The following C3 variants were observed in gnomAD, a reference collection of about 807,000 sequenced individuals.
C3 encodes the protein complement C3, also known as C3 and PZP-like alpha-2-macroglobulin domain-containing protein 1.
C3 carries 97 observed loss-of-function variants against 207.9 expected under a neutral mutation model. That is an observed-to-expected ratio of 0.47 (90% CI 0.40 to 0.55). The LOEUF is 0.55. C3 is among the 20% of genes least tolerant of loss of function. The probability of loss-of-function intolerance (pLI) is 0.00; values close to 1 mark genes in which losing one functional copy is unlikely to be tolerated. For missense variants in C3, 1,684 were observed against 2,171.7 expected, an observed-to-expected ratio of 0.78 and a Z score of 4.46; for synonymous variants, 848 against 857.6, an observed-to-expected ratio of 0.99 and a Z score of 0.20.
intron 27 of C3, among the ~76,000 whole-genome samples, chr19:6,689,373 C>G (rs1421881006): frequency 4.8e-5 from 6 of 124,750 alleles, no homozygotes; most frequent in African/African-American, 2.2e-4. Context: ...CTCTCTCTCT[C>G]TCTCTCTCTC....
intron 18 of C3, 41 bp from the exon 19 acceptor site, chr19:6,702,253 A>G (rs1967692795): frequency 7.6e-7 from 1 of 1,310,150 alleles, no homozygotes; most frequent in African/African-American, 1.5e-5. Flanking sequence ...GATGTCATCT[A>G]GCAGGGTGGT....
Position 6,707,934 on chromosome 19 carries a change from G to A in C3, c.1846-5C>T, listed in dbSNP as rs200772969. ...CTTCTCCACCACGTCCCAGATCTGC[G>A]GGGGGCATAGGGGTGGCGGGACGCA... On this transcript the variant is annotated splice_region_variant and splice_polypyrimidine_tract_variant and intron_variant, in intron 14 of 40. Coordinates refer to ENST00000245907, the MANE Select transcript of C3 (RefSeq NM_000064.4). 44 of 1,613,304 alleles carry A rather than the reference G, an allele frequency of 2.7e-5. No individual in the cohort carries two copies. Among genetic ancestry groups the A allele is most frequent in the Non-Finnish European group, 3.3e-5 (39 of 1,179,946 alleles).
intron 33 of C3, chr19:6,683,067 T>C (rs1917904109): frequency 6.6e-6 from 1 of 152,140 alleles, no homozygotes. Context: ...AGGAAGGTCA[T>C]GGGGACAAAA....
rs1272449318 is a variant in C3, at chr19:6,682,193, C to T, written c.4209G>A (p.Leu1403=). The T allele has an allele frequency of 6.2e-7, 1 of 1,613,860 alleles. No homozygotes were observed. Among genetic ancestry groups the T allele is most frequent in the Non-Finnish European group, 8.5e-7 (1 of 1,179,894 alleles). ...CAAAGCCAGTCATCATGGATATGTCCAATATAGACATAGTGGCATCCTGGT... is the reference window on the plus strand; with the variant it reads ...CAAAGCCAGTCATCATGGATATGTCTAATATAGACATAGTGGCATCCTGGT... ...RGDQDATMSI[L]DISMMTGFAP... The change falls in exon 34 of 41, where the codon TTG becomes TTA. Residue 1403 remains leucine (L), a synonymous_variant. Coordinates refer to ENST00000245907, the MANE Select transcript of C3 (RefSeq NM_000064.4).
chr19:6,697,336 G>A lies in C3; in HGVS notation c.2796+8C>T, dbSNP rs1198331117. On this transcript the variant is annotated splice_region_variant and intron_variant, in intron 21 of 40. Coordinates refer to ENST00000245907, the MANE Select transcript of C3 (RefSeq NM_000064.4). ...GGACAAGGGTTTGTGGGTGCCCCAAGCACTCACCACGACCTTCAGGGACTT... is the reference window on the plus strand; with the variant it reads ...GGACAAGGGTTTGTGGGTGCCCCAAACACTCACCACGACCTTCAGGGACTT... 6.2e-7 allele frequency: 1 copy of A among 1,609,302 alleles called. No individual in the cohort carries two copies. Among genetic ancestry groups the A allele is most frequent in the Admixed American group, 1.7e-5 (1 of 59,986 alleles).
At chr19:6,709,611 T>TTG in intron 14 of C3, 73 bp downstream of exon 14, 93 of 1,109,184 alleles carry the variant, frequency 8.4e-5, no homozygotes, top group Middle Eastern at 4.0e-4. Context: ...CCCTCTCCAG[T>TTG]CCCACCCACC....
At chr19:6,693,219 G>C in intron 25 of C3, 136 bp from the exon 26 acceptor site, 1 of 1,153,768 alleles carries the variant, frequency 8.7e-7, no homozygotes, top group East Asian at 2.4e-5. Flanking sequence ...CCAGGACCCA[G>C]CTGTTGTATG....
chr19:6,711,097 G>T lies in C3; in HGVS notation c.1369C>A (p.His457Asn). Residue 457 changes from histidine to asparagine, a missense_variant, in exon 12 of 41, where the codon CAT (histidine) becomes AAT (asparagine). His to Asn is a moderately conservative substitution (Grantham distance 68). This residue lies in a region of C3 where 1,280 missense variants were observed against 1,739.1 expected (regional missense o/e 0.74). Transcript: ENST00000245907. ...STVGNSNNYL[H>N]LSVLRTELRP... ...AGCTCTGTACGTAGCACTGAGAGAT[G>T]CAGGTAATTGTTGGAGTTGCCCACG... 1 of 1,614,082 alleles carries T rather than the reference G, an allele frequency of 6.2e-7. No individual in the cohort carries two copies. The highest frequency in any genetic ancestry group is 8.5e-7 in the Non-Finnish European group (1 of 1,179,986).
At chr19:6,705,762 C>T (rs1384297393) in intron 17 of C3, among the ~76,000 whole-genome samples, 1 of 151,614 alleles carries the variant, frequency 6.6e-6, no homozygotes, top group Admixed American at 6.6e-5. Flanking sequence ...GCAACCTAAA[C>T]CTACCAGGTT....
Position 6,684,508 on chromosome 19 carries a change from A to G in C3, c.4120+52T>C, listed in dbSNP as rs11569542. The stretch of plus-strand genomic sequence containing the variant: ...GTGTTGATTCAGGAGCGGGGAAGAC[A>G]TTAGAAGAGGGGTAGGAGGAAGGTG... On this transcript the variant is annotated intron_variant, in intron 32 of 40. Transcript: ENST00000245907. 3.0e-4 allele frequency: 466 copies of G among 1,574,448 alleles called. 1 individual carries two copies. The African/African-American group carries it at 5.0e-3, about 17-fold the overall frequency.
At chr19:6,706,811 AC>A (rs1967785637) in intron 17 of C3, among the ~76,000 whole-genome samples, 1 of 77,506 alleles carries the variant, frequency 1.3e-5, no homozygotes, top group Non-Finnish European at 2.5e-5. Flanking sequence ...TCAGACGGGG[AC>A]CTCCTCCCCC....
At chr19:6,703,830 C>T (rs1346317506) in intron 17 of C3, among the ~76,000 whole-genome samples, 1 of 152,094 alleles carries the variant, frequency 6.6e-6, no homozygotes, top group Non-Finnish European at 1.5e-5. Context: ...CGCCTGTAAT[C>T]CCAGCTACTC....
rs1568211382 is a variant in C3, at chr19:6,684,563, T to C, written c.4117A>G (p.Thr1373Ala). The change falls in exon 32 of 41, where the codon ACA becomes GCA. Residue 1373 changes from threonine (T) to alanine (A), a missense_variant. Physicochemically the swap from Thr to Ala is moderately conservative, Grantham distance 58. Transcript: ENST00000245907. ...LKVTIKPAPE[T>A]EKRPQDAKNT... ...ATAAGGCCTTGATTCCTTTTACCTG[T>C]TTCCGGTGCTGGTTTTATGGTGACC... 3.7e-6 allele frequency: 6 copies of C among 1,613,236 alleles called. No individual in the cohort carries two copies. Among genetic ancestry groups the C allele is most frequent in the East Asian group, 2.2e-5 (1 of 44,880 alleles).
intron 12 of C3, 50 bp from the exon 13 acceptor site, chr19:6,710,895 G>T: frequency 6.2e-7 from 1 of 1,602,240 alleles, no homozygotes; most frequent in Non-Finnish European, 8.6e-7. Context: ...GGCAGGGAAC[G>T]CAGGGAGGGA....
intron 33 of C3, chr19:6,682,611 G>A (rs979363871): frequency 3.3e-5 from 10 of 302,892 alleles, no homozygotes; most frequent in African/African-American, 2.2e-4. Flanking sequence ...CAGTACCTTG[G>A]TATATTGATC....
rs199573891 is a variant in C3 at position 6,696,491 on chromosome 19, T to A, written c.2864-26A>T. The A allele has an allele frequency of 4.6e-5, 74 of 1,599,116 alleles. No individual in the cohort carries two copies. The African/African-American group carries it at 8.7e-4, about 19-fold the overall frequency. ...CTGCAGGGTGAGTGAGAGATACCGA[T>A]GGCTCTAGCTCCCTCCCGCCCTATC... On this transcript the variant is annotated intron_variant, in intron 22 of 40. Transcript: ENST00000245907.
chr19:6,713,645 TCACCTGGCCCCACCCCCAGCCCCC>T (rs1967967485), intron 7 of C3, 136 bp from the exon 8 acceptor site: 1 of 452,318 alleles, frequency 2.2e-6, no homozygotes, highest in African/African-American at 6.4e-5. Context: ...CTCCAGCCCC[TCACCTGGCCCCACCCCCAGCCCCC>T]CACCTTGCCC....
At chr19:6,693,228 T>C in intron 25 of C3, 145 bp from the exon 26 acceptor site, 9 of 1,128,084 alleles carry the variant, frequency 8.0e-6, no homozygotes, top group Non-Finnish European at 9.1e-6. Flanking sequence ...AGCTGTTGTA[T>C]GCGGTCCGTG....
chr19:6,686,551 G>A, intron 28 of C3, 195 bp downstream of exon 28: 1 of 754,336 alleles, frequency 1.3e-6, no homozygotes, highest in Non-Finnish European at 2.3e-6. Context: ...ATGAGGACCT[G>A]CGAAAACTTA....
Sources: gnomAD v4.1 joint callset for allele counts (sites outside exome capture counted in the v4.1 genomes callset) on GRCh38, gnomAD v4.1.1 for gene constraint, gnomAD v4.1.1 regional missense constraint, MANE v1.5 for transcripts, NCBI Gene and HGNC (gene_info 2026-07-23, HGNC 2026-07-21) for gene names.